Variants in VEGFD observed in about 807,000 individuals in gnomAD.
VEGFD encodes c-fos induced growth factor (vascular endothelial growth factor D).
VEGFD carries 26 observed loss-of-function variants against 28.0 expected under a neutral mutation model. The ratio of observed to expected loss-of-function variants is 0.93; its 90% confidence interval spans 0.68 to 1.29. VEGFD has a LOEUF of 1.29. Among genes scored for constraint, VEGFD ranks in the 50% most tolerant of loss-of-function variants. The pLI is 0.00. For synonymous variants in VEGFD, 93 were observed against 95.5 expected, an observed-to-expected ratio of 0.97 and a Z score of 0.15; for missense variants, 294 against 273.4, an observed-to-expected ratio of 1.08 and a Z score of -0.53.
intron 5 of VEGFD, among the ~76,000 whole-genome samples, chrX:15,350,649 C>T (rs1442445216): frequency 1.8e-5 from 2 of 112,425 alleles, no homozygotes; most frequent in Non-Finnish European, 3.8e-5. Flanking sequence ...AGGCTTTGTG[C>T]CAGGAAATCC....
chrX:15,346,144 T>C lies in VEGFD; in HGVS notation c.1054A>G (p.Lys352Glu). Residue 352 changes from lysine to glutamate, a missense_variant, in exon 7 of 7, where the codon AAG becomes GAG. Physicochemically the swap from Lys to Glu is moderately conservative, Grantham distance 56. Transcript: ENST00000297904. ...KRAAQGPHSR[K>E]NP The stretch of plus-strand genomic sequence containing the variant: ...CTTGGAACGCTGAATCAAGGATTCT[T>C]TCGGCTGTGGGGCCCCTGGGCAGCC... 1 of 1,210,898 alleles carries C rather than the reference T, an allele frequency of 8.3e-7. No individual in the cohort carries two copies. Among genetic ancestry groups the C allele is most frequent in the Non-Finnish European group, 1.1e-6 (1 of 895,168 alleles).
Position 15,363,233 on chromosome X carries a change from AGAGT to A in VEGFD, c.173_176del (p.His58LeufsTer11). On this transcript the variant is annotated frameshift_variant, in exon 2 of 7. Coordinates refer to ENST00000297904, the MANE Select transcript of VEGFD (RefSeq NM_004469.5). LOFTEE classifies it high-confidence loss of function. ...TGCATCTCCACAGCTTCCAGTCCTC[AGAGT>A]GAGTAATTCGAAGTAGTTCCTCCAA... 1 of 1,211,561 alleles carries A rather than the reference AGAGT, an allele frequency of 8.3e-7. No individual in the cohort carries two copies. The highest frequency in any genetic ancestry group is 1.7e-5 in the African/African-American group (1 of 57,784).
At chrX:15,360,570 C>G (rs1922988944) in intron 2 of VEGFD, among the ~76,000 whole-genome samples, 1 of 110,905 alleles carries the variant, frequency 9.0e-6, no homozygotes, top group South Asian at 3.8e-4. Flanking sequence ...ATCTCTTAAC[C>G]TTGTGATCCG....
chrX:15,347,184 T>C lies in VEGFD; in HGVS notation c.918A>G (p.Leu306=), dbSNP rs1205666790. The part of the protein sequence containing the change: ...SLETCCQKHK[L]FHPDTCSCED... ...TTTACCTGCAGGTGTCTGGGTGAAA[T>C]AGCTTGTGCTTCTGGCAGCAGGTCT... The change falls in exon 6 of 7, where the codon CTA becomes CTG. Residue 306 remains leucine, a synonymous_variant. Transcript: ENST00000297904. The C allele has an allele frequency of 8.3e-7, 1 of 1,209,861 alleles. No individual in the cohort carries two copies. The highest frequency in any genetic ancestry group is 1.1e-6 in the Non-Finnish European group (1 of 894,610).
Position 15,358,100 on chromosome X carries a change from A to C in VEGFD, c.395T>G (p.Phe132Cys), listed in dbSNP as rs1423752283. Residue 132 changes from phenylalanine (F) to cysteine (C), a missense_variant, in exon 3 of 7, where the codon TTC becomes TGC. Physicochemically the swap from Phe to Cys is radical, Grantham distance 205 (BLOSUM62 -2). Coordinates refer to ENST00000297904, the MANE Select transcript of VEGFD (RefSeq NM_004469.5). ...GAACACGTTCACACAAGGGGGCTTG[A>C]AGAATGTGTTGGTACTCTTCCCCAG... ...SELGKSTNTF[F>C]KPPCVNVFRC... 4.1e-6 allele frequency: 5 copies of C among 1,209,733 alleles called. No individual in the cohort carries two copies. The African/African-American group carries it at 8.7e-5, about 21-fold the overall frequency.
At chrX:15,379,793 C>T (rs1234748798) in intron 1 of VEGFD, among the ~76,000 whole-genome samples, 1 of 111,977 alleles carries the variant, frequency 8.9e-6, no homozygotes, top group African/African-American at 3.2e-5. Context: ...TCAAGTTCTA[C>T]ATGGAATCAT....
intron 1 of VEGFD, among the ~76,000 whole-genome samples, chrX:15,380,592 T>C (rs1485570823): frequency 1.8e-5 from 2 of 113,026 alleles, no homozygotes; most frequent in Non-Finnish European, 3.7e-5. Flanking sequence ...TGGTATTCCT[T>C]TGTTGCAATA....
At chrX:15,363,741 G>T (rs1339447428) in intron 1 of VEGFD, among the ~76,000 whole-genome samples, 1 of 112,222 alleles carries the variant, frequency 8.9e-6, no homozygotes, top group Non-Finnish European at 1.9e-5. Context: ...AATGACAAGT[G>T]TCCTTATAAG....
At chrX:15,376,328 C>T (rs1466875336) in intron 1 of VEGFD, among the ~76,000 whole-genome samples, 1 of 111,664 alleles carries the variant, frequency 9.0e-6, no homozygotes, top group African/African-American at 3.3e-5. Context: ...GGATGAGAGA[C>T]ACCTGGGGCT....
At chrX:15,355,326 T>C (rs1439797609) in intron 3 of VEGFD, 28 bp from the exon 4 acceptor site, 2 of 1,113,056 alleles carry the variant, frequency 1.8e-6, no homozygotes, top group East Asian at 3.3e-5. Flanking sequence ...AACCACAATA[T>C]ATTTTTTTAA....
intron 1 of VEGFD, among the ~76,000 whole-genome samples, chrX:15,381,925 C>T (rs1012063305): frequency 1.5e-4 from 3 of 19,500 alleles, no homozygotes; most frequent in Non-Finnish European, 2.3e-4. Context: ...GCATCCTCCA[C>T]GTGTAACAAC....
intron 1 of VEGFD, among the ~76,000 whole-genome samples, chrX:15,383,571 C>T (rs988610317): frequency 8.9e-6 from 1 of 111,743 alleles, no homozygotes; most frequent in African/African-American, 3.3e-5. Flanking sequence ...CATATGCAAC[C>T]GAGGAGAAAC....
chrX:15,377,401 C>T (rs1179587656), intron 1 of VEGFD, among the ~76,000 whole-genome samples: 2 of 112,015 alleles, frequency 1.8e-5, no homozygotes, highest in Non-Finnish European at 1.9e-5. Context: ...TACGTTCTTC[C>T]GTGCATTAAA....
chrX:15,359,362 C>CTTTTTTTTT (rs1171408211), intron 2 of VEGFD, among the ~76,000 whole-genome samples: 3 of 62,879 alleles, frequency 4.8e-5, no homozygotes, highest in East Asian at 5.1e-4. Flanking sequence ...CACTTGCAGG[C>CTTTTTTTTT]TTTTTTTTTT....
Position 15,355,242 on chromosome X carries a change from A to AACTTTAACAGGCACTAATTCAGGT in VEGFD, c.525_548dup (p.Pro176_Val183dup), listed in dbSNP as rs1922836744. On this transcript the variant is annotated inframe_insertion, in exon 4 of 7. Coordinates refer to ENST00000297904, the MANE Select transcript of VEGFD (RefSeq NM_004469.5). ...AGCACTTACAACCTGTATGATTGGC[A>AACTTTAACAGGCACTAATTCAGGT]ACTTTAACAGGCACTAATTCAGGTA... 6.6e-6 allele frequency: 8 copies of AACTTTAACAGGCACTAATTCAGGT among 1,203,221 alleles called. No individual in the cohort carries two copies. The highest frequency in any genetic ancestry group is 9.0e-6 in the Non-Finnish European group (8 of 891,880).
At chrX:15,353,654 C>G (rs1160232019) in intron 4 of VEGFD, among the ~76,000 whole-genome samples, 1 of 110,606 alleles carries the variant, frequency 9.0e-6, no homozygotes, top group Admixed American at 9.5e-5. Flanking sequence ...GCAGGAGAAT[C>G]ACTTGAACCT....
At chrX:15,362,908 T>TA (rs1468941366) in intron 2 of VEGFD, among the ~76,000 whole-genome samples, 1 of 112,124 alleles carries the variant, frequency 8.9e-6, no homozygotes, top group Non-Finnish European at 1.9e-5. Context: ...TTGTGTTTTT[T>TA]ATCTCAAAAT....
chrX:15,355,290 C>T lies in VEGFD; in HGVS notation c.501G>A (p.Glu167=), dbSNP rs1037986623. The T allele has an allele frequency of 8.4e-7, 1 of 1,184,152 alleles. No individual in the cohort carries two copies. Among genetic ancestry groups the T allele is most frequent in the East Asian group, 3.1e-5 (1 of 32,669 alleles). Reference sequence around the variant, plus strand: ...GTACTGATGTCAAAGGCACTGATATCTCAAAGAGCTACAGCAGAGAAAGAT... The same window carrying T: ...GTACTGATGTCAAAGGCACTGATATTTCAAAGAGCTACAGCAGAGAAAGAT... The part of the protein sequence containing the change: ...STSYISKQLF[E]ISVPLTSVPE... Residue 167 remains glutamate (E), a synonymous_variant, in exon 4 of 7, where the codon GAG becomes GAA. Coordinates refer to ENST00000297904, the MANE Select transcript of VEGFD (RefSeq NM_004469.5).
At chrX:15,368,035 G>GGAAAGAAGA (rs1555949598) in intron 1 of VEGFD, among the ~76,000 whole-genome samples, 13 of 37,420 alleles carry the variant, frequency 3.5e-4, no homozygotes, top group African/African-American at 1.5e-3. Flanking sequence ...AGAAAGGAAA[G>GGAAAGAAGA]AAGAAAGAAA....
Sources: gnomAD v4.1 joint callset for allele counts (sites outside exome capture counted in the v4.1 genomes callset) on GRCh38, gnomAD v4.1.1 for gene constraint, MANE v1.5 for transcripts, NCBI Gene and HGNC (gene_info 2026-07-23, HGNC 2026-07-21) for gene names.